Variants in ADSS1 observed in about 807,000 individuals in gnomAD.
The protein encoded by ADSS1 is adenylosuccinate synthetase isozyme 1.
ADSS1 carries 57 observed loss-of-function variants against 59.1 expected under a neutral mutation model. The observed-to-expected ratio is 0.97, with a 90% confidence interval of 0.78 to 1.20. The LOEUF (loss-of-function observed/expected upper bound fraction) is 1.20. Ranked by LOEUF, ADSS1 falls within the 50% of genes most tolerant of loss-of-function variation. The pLI, the probability that ADSS1 is intolerant of heterozygous loss-of-function variation, is 0.00. For synonymous variants in ADSS1, 247 were observed against 249.4 expected (o/e 0.99, Z 0.09); for missense variants, 603 against 610.3 (o/e 0.99, Z 0.13).
intron 9 of ADSS1, 116 bp from the exon 10 acceptor site, chr14:104,742,951 G>A: frequency 6.8e-7 from 1 of 1,477,276 alleles, no homozygotes; most frequent in Non-Finnish European, 9.2e-7. Flanking sequence ...GTCGGTGGAG[G>A]CGGGGCACCC....
intron 2 of ADSS1, 114 bp from the exon 3 acceptor site, chr14:104,738,262 T>C: frequency 9.3e-7 from 1 of 1,072,248 alleles, no homozygotes; most frequent in Non-Finnish European, 1.4e-6. Flanking sequence ...CCTCCCAAAG[T>C]GCTAGGATTA....
Position 104,730,716 on chromosome 14 carries a change from AG to A in ADSS1, c.193-4300del, listed in dbSNP as rs1890894181. ...GGGTGCGCACAGCCTCCTGGAGGGG[AG>A]GGGCCTGAGTGGGGCAGTGGAGATA... On this transcript the variant is annotated intron_variant, in intron 1 of 12. Transcript: ENST00000330877. Among the ~76,000 whole-genome samples, 3 of 151,458 alleles carry A rather than the reference AG, an allele frequency of 2.0e-5. No individual in the cohort carries two copies. The South Asian group carries it at 6.3e-4, about 32-fold the overall frequency.
At chr14:104,742,249 C>T (rs1022509602) in intron 9 of ADSS1, among the ~76,000 whole-genome samples, 19 of 152,272 alleles carry the variant, frequency 1.2e-4, no homozygotes, top group Non-Finnish European at 2.2e-4. Context: ...CACACGTACA[C>T]GTGACCTCGT....
chr14:104,729,811 C>T, intron 1 of ADSS1: 2 of 431,532 alleles, frequency 4.6e-6, no homozygotes, highest in South Asian at 3.0e-5. Flanking sequence ...AGCGTGGCGT[C>T]GGCGTCGTGG....
intron 12 of ADSS1, among the ~76,000 whole-genome samples, 183 bp downstream of exon 12, chr14:104,746,568 G>C (rs1034547941): frequency 2.0e-5 from 3 of 152,222 alleles, no homozygotes; most frequent in Non-Finnish European, 4.4e-5. Context: ...TAGGGTGTGG[G>C]TGTGACCTTG....
intron 1 of ADSS1, among the ~76,000 whole-genome samples, chr14:104,729,397 C>T (rs1220108388): frequency 6.6e-6 from 1 of 152,150 alleles, no homozygotes; most frequent in Non-Finnish European, 1.5e-5. Flanking sequence ...GCAGGGCATG[C>T]GCCATCTGGG....
Position 104,741,698 on chromosome 14 carries a change from C to G in ADSS1, c.794-150C>G, listed in dbSNP as rs191099812. On this transcript the variant is annotated intron_variant, in intron 8 of 12. Coordinates refer to ENST00000330877, the MANE Select transcript of ADSS1 (RefSeq NM_152328.5). ...AGCACACAGCACCCATTCGGCCACT[C>G]CACCAGGACAGGCCAGGCTGGCGAC... The G allele has an allele frequency of 3.3e-3, 3,050 of 935,682 alleles. 42 individuals are homozygous for G. Among genetic ancestry groups the G allele is most frequent in the South Asian group, 0.026 (1,530 of 59,886 alleles). The allele number at this position is 935,682 out of a possible 1,614,324, so 58.0% of individuals were successfully genotyped here.
intron 3 of ADSS1, 42 bp from the exon 4 acceptor site, chr14:104,739,286 C>T (rs1354089213): frequency 1.3e-6 from 2 of 1,589,526 alleles, no homozygotes; most frequent in South Asian, 1.1e-5. Context: ...AGCTGCAGCG[C>T]ACCTGTGAAC....
rs1891542376 is a variant in ADSS1, at chr14:104,746,046, A to T, written c.1172-190A>T. 6.4e-6 allele frequency: 4 copies of T among 629,916 alleles called. No individual in the cohort carries two copies. In the South Asian group the frequency reaches 6.5e-5, roughly 10 times the overall value. 39.0% of individuals were successfully genotyped at this position (629,916 alleles called of 1,614,324 possible). ...GGAAGGCGTGTAGTGTCTGAGCCCC[A>T]CTGCTGTCCCCTGCTTACCACCCAA... On this transcript the variant is annotated intron_variant, in intron 11 of 12. Coordinates refer to ENST00000330877, the MANE Select transcript of ADSS1 (RefSeq NM_152328.5).
At chr14:104,746,878 C>T (rs754638320) in intron 12 of ADSS1, 73 bp from the exon 13 acceptor site, 10 of 1,480,616 alleles carry the variant, frequency 6.8e-6, no homozygotes, top group East Asian at 2.3e-5. Flanking sequence ...CAGAAAGATA[C>T]GACACTAAAG....
chr14:104,741,926 T>C lies in ADSS1; in HGVS notation c.872T>C (p.Ile291Thr), dbSNP rs764479024. ...GGCCTGGGCATCCCCCCGCAGAACA[T>C]AGGTGACGTGTATGGCGTGGTGAAA... is the stretch of plus-strand genomic sequence containing the variant. ...CTGLGIPPQN[I>T]GDVYGVVKAY... The change falls in exon 9 of 13, where the codon ATA (isoleucine) becomes ACA (threonine). Residue 291 changes from isoleucine to threonine, a missense_variant. By Grantham distance (89) the Ile-to-Thr change is moderately conservative. Transcript: ENST00000330877. 2.6e-5 allele frequency: 42 copies of C among 1,613,290 alleles called. No homozygotes were observed. The highest frequency in any genetic ancestry group is 8.3e-5 in the Admixed American group (5 of 60,008).
intron 1 of ADSS1, among the ~76,000 whole-genome samples, chr14:104,724,837 C>T (rs914592954): frequency 1.3e-5 from 2 of 152,136 alleles, no homozygotes; most frequent in South Asian, 2.1e-4. Flanking sequence ...TTTGAGGACC[C>T]CCAAGACACC....
chr14:104,726,032 C>G (rs1890709669), intron 1 of ADSS1, among the ~76,000 whole-genome samples: 1 of 152,172 alleles, frequency 6.6e-6, no homozygotes, highest in African/African-American at 2.4e-5. Flanking sequence ...CACACGGGAG[C>G]ACGGAGGATG....
intron 1 of ADSS1, among the ~76,000 whole-genome samples, chr14:104,729,489 G>A (rs76074709): frequency 6.8e-6 from 1 of 147,502 alleles, no homozygotes; most frequent in African/African-American, 2.6e-5. Context: ...CGGCGTGGGA[G>A]GGAGGAGGTA....
chr14:104,726,040 A>T (rs573989402), intron 1 of ADSS1, among the ~76,000 whole-genome samples: 1 of 152,018 alleles, frequency 6.6e-6, no homozygotes, highest in East Asian at 1.9e-4. Flanking sequence ...AGCACGGAGG[A>T]TGCAGCAGGC....
chr14:104,737,790 G>C (rs1287895380), intron 2 of ADSS1: 2 of 152,290 alleles, frequency 1.3e-5, no homozygotes, highest in Non-Finnish European at 2.9e-5. Flanking sequence ...GTGTCCGTTT[G>C]TAACTGCCTT....
chr14:104,732,579 A>G (rs1173441649), intron 1 of ADSS1, among the ~76,000 whole-genome samples: 2 of 152,184 alleles, frequency 1.3e-5, no homozygotes, highest in East Asian at 1.9e-4. Flanking sequence ...GCCTGTTCCT[A>G]GGAGCCTGTG....
intron 10 of ADSS1, 170 bp downstream of exon 10, chr14:104,743,361 G>A: frequency 1.0e-6 from 1 of 980,900 alleles, no homozygotes; most frequent in Non-Finnish European, 1.5e-6. Flanking sequence ...CGGTATGGAG[G>A]CCTGTGCAGG....
Position 104,740,523 on chromosome 14 carries a change from G to A in ADSS1, c.477-78G>A. The A allele has an allele frequency of 7.5e-7, 1 of 1,324,966 alleles. No individual in the cohort carries two copies. 82.1% of individuals were successfully genotyped at this position (1,324,966 alleles called of 1,614,324 possible). A position where few individuals can be genotyped will look rare whatever the true frequency, so the allele number is the denominator to read the frequency against. On this transcript the variant is annotated intron_variant, in intron 5 of 12. Transcript: ENST00000330877. The surrounding 1 kb of genome is among the most constrained non-coding windows in gnomAD (Gnocchi z 4.8). The stretch of plus-strand genomic sequence containing the variant: ...TGGGCACTGGAGTCATGAGCCGGCG[G>A]GGGTCATGGCCTCAGTGGGATGCCT...
Sources: allele counts gnomAD v4.1 joint callset (sites outside exome capture counted in the v4.1 genomes callset), GRCh38; gene constraint gnomAD v4.1.1; non-coding constraint Gnocchi (gnomAD v3.1); transcripts MANE v1.5; gene names NCBI Gene and HGNC (gene_info 2026-07-23, HGNC 2026-07-21).